Variants in BCL2L14 observed in about 807,000 individuals in gnomAD.
BCL2L14 encodes the protein apoptosis facilitator Bcl-2-like protein 14.
A neutral mutation model predicts 35.3 loss-of-function variants in BCL2L14; 27 were observed. The ratio of observed to expected loss-of-function variants is 0.76; its 90% CI spans 0.56 to 1.05. The LOEUF is 1.05. BCL2L14 is among the 50% of genes least tolerant of loss of function. The pLI, the probability that BCL2L14 is intolerant of heterozygous loss-of-function variation, is 0.00. For synonymous variants in BCL2L14, 139 were observed against 145.9 expected, an observed-to-expected ratio of 0.95 and a Z score of 0.34; for missense variants, 377 against 382.6, an observed-to-expected ratio of 0.99 and a Z score of 0.12.
intron 2 of BCL2L14, among the ~76,000 whole-genome samples, chr12:12,061,397 A>G (rs1173312957): frequency 1.3e-5 from 2 of 151,830 alleles, no homozygotes; most frequent in Non-Finnish European, 2.9e-5. Context: ...AGCACGCTTT[A>G]AAAGGATTAA....
chr12:12,080,717 T>G lies in BCL2L14; in HGVS notation c.433+979T>G, dbSNP rs112104352. 4.8e-3 allele frequency among the ~76,000 whole-genome samples: 737 copies of G among 152,084 alleles called. 7 individuals carry two copies. Among genetic ancestry groups the G allele is most frequent in the African/African-American group, 0.016 (684 of 41,480 alleles). ...AGTCAACTCATTCGCTCAGGGCCTC[T>G]GTGTTTCCATCTGTACATTGGGTAC... is the stretch of plus-strand genomic sequence containing the variant. On this transcript the variant is annotated intron_variant, in intron 2 of 5. Transcript: ENST00000308721.
upstream of BCL2L14, among the ~76,000 whole-genome samples, chr12:12,066,433 C>T (rs1544670): frequency 0.92 from 139,376 of 152,280 alleles, 63,871 homozygotes; most frequent in East Asian, 1. Context: ...AAAACCCCAA[C>T]GTTTTCCTGA....
rs193275169 is a variant in BCL2L14 at position 12,059,655 on chromosome 12, C to T, written c.-272+7808C>T. 7.8e-3 allele frequency among the ~76,000 whole-genome samples: 1,185 copies of T among 152,008 alleles called. 13 individuals are homozygous for T. The highest frequency in any genetic ancestry group is 9.7e-3 in the Admixed American group (148 of 15,258). On this transcript the variant is annotated intron_variant, in intron 2 of 3. Coordinates refer to the BCL2L14 transcript ENST00000461264. ...GTCTCTACTCTTTTCTCTGGGCTTG[C>T]CTCCTTCACTATAGGCAAGCTTCCA... is the stretch of plus-strand genomic sequence containing the variant.
Position 12,099,098 on chromosome 12 carries a change from G to A in BCL2L14, c.*110G>A. 2 of 795,832 alleles carry A rather than the reference G, an allele frequency of 2.5e-6. No homozygotes were observed. The highest frequency in any genetic ancestry group is 2.1e-6 in the Non-Finnish European group (1 of 465,442). 49.3% of individuals were successfully genotyped at this position (795,832 alleles called of 1,614,324 possible). A position where few individuals can be genotyped will look rare whatever the true frequency, so the allele number is the denominator to read the frequency against. ...CGTACAAGGCAGATGGAGCATTGAC[G>A]TTTTCAAAACCATTATTCCTGTGAC... is the stretch of plus-strand genomic sequence containing the variant. On this transcript the variant is annotated 3_prime_UTR_variant, in exon 6 of 6. Coordinates refer to ENST00000308721, the MANE Select transcript of BCL2L14 (RefSeq NM_138723.2).
intron 3 of BCL2L14, among the ~76,000 whole-genome samples, chr12:12,089,990 C>G (rs912368591): frequency 2.0e-5 from 3 of 152,102 alleles, no homozygotes; most frequent in Non-Finnish European, 2.9e-5. Flanking sequence ...TAGATATGGG[C>G]CACAAATTTG....
chr12:12,051,364 G>A (rs1458623561), intron 1 of BCL2L14, among the ~76,000 whole-genome samples: 3 of 152,044 alleles, frequency 2.0e-5, no homozygotes, highest in Admixed American at 6.6e-5. Context: ...AAACATCACC[G>A]AGGTTTCTAG....
intron 2 of BCL2L14, among the ~76,000 whole-genome samples, chr12:12,065,535 CAAA>C (rs138173926): frequency 1.7e-4 from 21 of 126,718 alleles, no homozygotes; most frequent in Admixed American, 2.3e-4. Flanking sequence ...GACTCCATCT[CAAA>C]AAAAAAAAAA....
intron 1 of BCL2L14, among the ~76,000 whole-genome samples, chr12:12,072,913 G>A (rs1431707398): frequency 2.6e-5 from 4 of 151,696 alleles, no homozygotes; most frequent in African/African-American, 9.7e-5. Context: ...TTAAGAGAGT[G>A]TCTCCCTCTG....
intron 2 of BCL2L14, among the ~76,000 whole-genome samples, chr12:12,060,106 A>G (rs931784647): frequency 3.3e-5 from 5 of 151,038 alleles, no homozygotes; most frequent in South Asian, 2.1e-4. Context: ...CTAGGTCGCA[A>G]TTCTTCCTCA....
intron 2 of BCL2L14, among the ~76,000 whole-genome samples, chr12:12,054,039 T>G (rs1048550567): frequency 6.6e-6 from 1 of 152,200 alleles, no homozygotes; most frequent in Non-Finnish European, 1.5e-5. Context: ...ACAAAAACAG[T>G]TGACAGTTAT....
At chr12:12,066,228 C>T (rs1017123408), upstream of BCL2L14, among the ~76,000 whole-genome samples, 4 of 152,204 alleles carry the variant, frequency 2.6e-5, no homozygotes, top group African/African-American at 9.6e-5. Context: ...TTCTCCTCTG[C>T]TCCGTTTCCC....
chr12:12,088,086 C>T (rs535193747), intron 3 of BCL2L14, among the ~76,000 whole-genome samples: 3 of 152,290 alleles, frequency 2.0e-5, no homozygotes, highest in Admixed American at 6.5e-5. Context: ...GGGATAAATA[C>T]GTGAGGTTCG....
intron 2 of BCL2L14, among the ~76,000 whole-genome samples, chr12:12,065,686 C>T (rs549696059): frequency 2.0e-5 from 3 of 152,204 alleles, no homozygotes; most frequent in South Asian, 2.1e-4. Context: ...GTTCCTCCAG[C>T]GCCATCTCTG....
At chr12:12,063,101 G>T (rs928486360) in intron 2 of BCL2L14, among the ~76,000 whole-genome samples, 4 of 151,820 alleles carry the variant, frequency 2.6e-5, no homozygotes, top group African/African-American at 4.8e-5. Flanking sequence ...CTTAGACTGT[G>T]CCCCAAAAAA....
At chr12:12,061,638 C>T (rs1948527605) in intron 2 of BCL2L14, among the ~76,000 whole-genome samples, 1 of 152,086 alleles carries the variant, frequency 6.6e-6, no homozygotes, top group African/African-American at 2.4e-5. Flanking sequence ...GGATCTCAAA[C>T]ATGCTTTCTT....
rs189497568 is a variant in BCL2L14, at chr12:12,059,766, G to A, written c.-272+7919G>A. ...CTCTCACCTGACCTAAAATCTAAGT[G>A]TCTTATTTTCTTCTGCAATGCCGCT... On this transcript the variant is annotated intron_variant, in intron 2 of 3. Coordinates refer to the BCL2L14 transcript ENST00000461264. Among the ~76,000 whole-genome samples the A allele has an allele frequency of 5.7e-3, 859 of 152,030 alleles. 11 individuals carry two copies. The highest frequency in any genetic ancestry group is 0.019 in the African/African-American group (796 of 41,448).
At chr12:12,095,897 G>C (rs1949303677) in intron 5 of BCL2L14, 2 of 985,272 alleles carry the variant, frequency 2.0e-6, no homozygotes, top group Admixed American at 6.2e-5. Context: ...TTTGCACCAA[G>C]TTTGATAACC....
chr12:12,061,178 C>A (rs1016404276), intron 2 of BCL2L14, among the ~76,000 whole-genome samples: 1 of 148,974 alleles, frequency 6.7e-6, no homozygotes, highest in African/African-American at 2.5e-5. Flanking sequence ...TATCTGCTTC[C>A]CTGACTATTC....
rs79301629 is a variant in BCL2L14 at position 12,077,340 on chromosome 12, C to G, written c.-7-1959C>G. 8.8e-3 allele frequency among the ~76,000 whole-genome samples: 1,333 copies of G among 152,018 alleles called. 20 individuals carry two copies. Among genetic ancestry groups the G allele is most frequent in the African/African-American group, 0.031 (1,275 of 41,480 alleles). On this transcript the variant is annotated intron_variant, in intron 1 of 5. Coordinates refer to ENST00000308721, the MANE Select transcript of BCL2L14 (RefSeq NM_138723.2). ...GTGGATCACTTGAGCCCAGGAGTTT[C>G]GCACCAGACTGGGCAACATAGCGAG...
Sources: gnomAD v4.1 joint callset for allele counts (sites outside exome capture counted in the v4.1 genomes callset) on GRCh38, gnomAD v4.1.1 for gene constraint, MANE v1.5 for transcripts, NCBI Gene and HGNC (gene_info 2026-07-23, HGNC 2026-07-21) for gene names.